The following NRXN1 variants were observed in gnomAD, a reference collection of about 807,000 sequenced individuals.
The protein encoded by NRXN1 is neurexin 1.
NRXN1 carries 39 observed loss-of-function variants against 150.9 expected under a neutral mutation model. That is an observed-to-expected ratio of 0.26 (90% CI 0.20 to 0.34). NRXN1 has a LOEUF of 0.34. NRXN1 is among the 10% of genes least tolerant of loss of function. The pLI, the probability that NRXN1 is intolerant of heterozygous loss-of-function variation, is 1.00. For missense variants in NRXN1, 1,815 were observed against 1,949.9 expected, an observed-to-expected ratio of 0.93 and a Z score of 1.30; for synonymous variants, 924 against 757.0, an observed-to-expected ratio of 1.22 and a Z score of -3.62.
chr2:50,471,349 A>G (rs893529498), intron 16 of NRXN1, among the ~76,000 whole-genome samples: 8 of 151,790 alleles, frequency 5.3e-5, no homozygotes, highest in African/African-American at 9.7e-5. Flanking sequence ...AGTGAGTAAC[A>G]TGAAGCATTT....
At chr2:50,553,090 G>T in intron 8 of NRXN1, 65 bp from the exon 9 acceptor site, 1 of 1,153,394 alleles carries the variant, frequency 8.7e-7, no homozygotes, top group Non-Finnish European at 1.2e-6. Context: ...CTTGTGAACA[G>T]CTCATGTAAC....
chr2:50,495,596 G>A (rs1407144349), intron 15 of NRXN1, among the ~76,000 whole-genome samples: 1 of 151,932 alleles, frequency 6.6e-6, no homozygotes. Context: ...GAAAACTGTT[G>A]GGACTTAAGT....
At chr2:50,664,921 A>T (rs1214824480) in intron 5 of NRXN1, among the ~76,000 whole-genome samples, 1 of 151,902 alleles carries the variant, frequency 6.6e-6, no homozygotes, top group African/African-American at 2.4e-5. Flanking sequence ...CCTTCAAATT[A>T]AAAAAAATCA....
intron 17 of NRXN1, among the ~76,000 whole-genome samples, chr2:50,315,760 T>C (rs1575055423): frequency 6.6e-6 from 1 of 152,152 alleles, no homozygotes; most frequent in African/African-American, 2.4e-5. Context: ...AAAAATAACA[T>C]CAAGAAGACT....
chr2:50,268,577 G>T (rs941326695), intron 17 of NRXN1, among the ~76,000 whole-genome samples: 1 of 152,106 alleles, frequency 6.6e-6, no homozygotes, highest in South Asian at 2.1e-4. Context: ...TTCACTTAAG[G>T]TTCATTAGCC....
chr2:50,966,365 A>G (rs1202457773), intron 2 of NRXN1, among the ~76,000 whole-genome samples: 1 of 151,530 alleles, frequency 6.6e-6, no homozygotes, highest in Non-Finnish European at 1.5e-5. Context: ...AACTCTAATA[A>G]CATCTACAAT....
chr2:50,336,974 C>T (rs894901208), intron 17 of NRXN1, among the ~76,000 whole-genome samples: 5 of 151,952 alleles, frequency 3.3e-5, no homozygotes, highest in Admixed American at 6.6e-5. Context: ...CTGTTATGAA[C>T]CACTGGCAAT....
intron 5 of NRXN1, among the ~76,000 whole-genome samples, chr2:50,760,774 A>G (rs192319101): frequency 2.6e-4 from 39 of 152,032 alleles, no homozygotes; most frequent in African/African-American, 9.1e-4. Context: ...TGATGGGAAC[A>G]TGAAAACTCC....
chr2:50,828,145 C>A (rs1314286693), intron 5 of NRXN1, among the ~76,000 whole-genome samples: 1 of 151,824 alleles, frequency 6.6e-6, no homozygotes, highest in Non-Finnish European at 1.5e-5. Context: ...GGGGTGGTGG[C>A]CGGGCAGAGG....
chr2:50,830,710 T>A (rs932311414), intron 5 of NRXN1, among the ~76,000 whole-genome samples: 2 of 149,252 alleles, frequency 1.3e-5, no homozygotes, highest in African/African-American at 2.5e-5. Context: ...TTATAATACA[T>A]CTCCTCCCAT....
intron 17 of NRXN1, among the ~76,000 whole-genome samples, chr2:50,365,753 A>G (rs887907202): frequency 7.9e-5 from 12 of 152,016 alleles, no homozygotes; most frequent in Admixed American, 2.6e-4. Context: ...CTATTAAGTC[A>G]TTGTTGAACT....
At chr2:50,938,543 G>T (rs190886649) in intron 2 of NRXN1, among the ~76,000 whole-genome samples, 88 of 152,036 alleles carry the variant, frequency 5.8e-4, no homozygotes, top group Non-Finnish European at 1.1e-3. Context: ...CCACATTTTT[G>T]GGTATCTTTA....
At chr2:50,774,792 A>C (rs1396640186) in intron 5 of NRXN1, among the ~76,000 whole-genome samples, 2 of 152,044 alleles carry the variant, frequency 1.3e-5, no homozygotes, top group Admixed American at 6.6e-5. Context: ...CTCATCCATA[A>C]ATTTTTTCTT....
chr2:50,548,862 T>C (rs1425784910), intron 9 of NRXN1, among the ~76,000 whole-genome samples: 2 of 152,156 alleles, frequency 1.3e-5, no homozygotes, highest in Non-Finnish European at 2.9e-5. Flanking sequence ...TACTTTAGTA[T>C]GGCCAACAGC....
chr2:50,624,599 C>T (rs1401972417), intron 5 of NRXN1, among the ~76,000 whole-genome samples: 3 of 151,738 alleles, frequency 2.0e-5, no homozygotes, highest in African/African-American at 7.3e-5. Context: ...AAACAGACCT[C>T]CTACAGAGCA....
chr2:50,242,330 C>T (rs2152887400), intron 17 of NRXN1, among the ~76,000 whole-genome samples: 1 of 151,818 alleles, frequency 6.6e-6, no homozygotes, highest in South Asian at 2.1e-4. Context: ...CAGAGAAGAC[C>T]ACATTGTATG....
intron 2 of NRXN1, among the ~76,000 whole-genome samples, chr2:50,968,587 C>G (rs1447229504): frequency 1.3e-5 from 2 of 152,090 alleles, no homozygotes; most frequent in Non-Finnish European, 2.9e-5. Context: ...CTAAATCACT[C>G]TTACAAATCA....
intron 8 of NRXN1, among the ~76,000 whole-genome samples, chr2:50,595,916 T>A (rs1206875744): frequency 6.6e-6 from 1 of 152,240 alleles, no homozygotes; most frequent in Non-Finnish European, 1.5e-5. Context: ...CACTGTGTTA[T>A]AGAGGCTCTT....
At chr2:50,259,877 C>T (rs1012844619) in intron 17 of NRXN1, among the ~76,000 whole-genome samples, 1 of 151,816 alleles carries the variant, frequency 6.6e-6, no homozygotes, top group Non-Finnish European at 1.5e-5. Context: ...TCTGCTTCCT[C>T]TACTCATCAA....
Sources: allele counts gnomAD v4.1 joint callset (sites outside exome capture counted in the v4.1 genomes callset), GRCh38; gene constraint gnomAD v4.1.1; transcripts MANE v1.5; gene names NCBI Gene and HGNC (gene_info 2026-07-23, HGNC 2026-07-21).